The following ULK2 variants were observed in gnomAD, a reference collection of about 807,000 sequenced individuals.
ULK2 encodes the protein serine/threonine-protein kinase ULK2.
Under a neutral mutation model 127.5 loss-of-function variants are expected in ULK2, and 76 were observed. That is an observed-to-expected ratio of 0.60 (90% confidence interval 0.50 to 0.72). The LOEUF is 0.72. Ranked by LOEUF, ULK2 falls within the 30% of genes least tolerant of loss-of-function variation. The pLI, the probability that ULK2 is intolerant of heterozygous loss-of-function variation, is 0.00. For synonymous variants in ULK2, 452 were observed against 461.9 expected, an observed-to-expected ratio of 0.98 and a Z score of 0.28; for missense variants, 1,144 against 1,295.9, an observed-to-expected ratio of 0.88 and a Z score of 1.80.
At chr17:19,819,976 G>A (rs1359618825) in intron 12 of ULK2, among the ~76,000 whole-genome samples, 1 of 151,910 alleles carries the variant, frequency 6.6e-6, no homozygotes, top group East Asian at 1.9e-4. Context: ...CTGCTTTTGG[G>A]AGAATCTAGC....
At chr17:19,801,971 T>C (rs1362668797) in intron 15 of ULK2, 49 bp from the exon 16 acceptor site, 1 of 1,527,196 alleles carries the variant, frequency 6.5e-7, no homozygotes, top group African/African-American at 1.4e-5. Flanking sequence ...ACTCTCTTTT[T>C]ATTCCTGCAT....
chr17:19,803,448 T>G (rs1409776426), intron 15 of ULK2, among the ~76,000 whole-genome samples: 1 of 152,216 alleles, frequency 6.6e-6, no homozygotes, highest in African/African-American at 2.4e-5. Flanking sequence ...TATCCATCTT[T>G]GCATTTTGTA....
intron 14 of ULK2, among the ~76,000 whole-genome samples, chr17:19,806,253 T>A (rs1315137077): frequency 6.7e-6 from 1 of 150,018 alleles, no homozygotes; most frequent in Non-Finnish European, 1.5e-5. Flanking sequence ...GCCATTTTTT[T>A]ATTGTTTCAA....
At chr17:19,819,601 C>T (rs148511526) in intron 12 of ULK2, among the ~76,000 whole-genome samples, 174 of 152,296 alleles carry the variant, frequency 1.1e-3, no homozygotes, top group African/African-American at 4.1e-3. Flanking sequence ...CTCTAGATCC[C>T]TTTGTTCACT....
intron 3 of ULK2, among the ~76,000 whole-genome samples, chr17:19,854,054 C>A (rs912138357): frequency 4.0e-5 from 6 of 151,804 alleles, no homozygotes; most frequent in Admixed American, 2.0e-4. Context: ...ATCCCTGGGC[C>A]AATCACCTGA....
chr17:19,817,201 G>A (rs1365631309), intron 12 of ULK2, among the ~76,000 whole-genome samples: 6 of 152,142 alleles, frequency 3.9e-5, no homozygotes, highest in Non-Finnish European at 8.8e-5. Flanking sequence ...TGAAGTTTTT[G>A]AGAAAGTAAA....
intron 23 of ULK2, 128 bp from the exon 24 acceptor site, chr17:19,781,232 TCTTTC>T (rs1299569210): frequency 1.7e-5 from 11 of 657,392 alleles, no homozygotes; most frequent in African/African-American, 1.5e-4. Context: ...TTTCTTTTCT[TCTTTC>T]TTTTCTTTTT....
chr17:19,807,580 C>T (rs1318656323), intron 14 of ULK2, among the ~76,000 whole-genome samples: 5 of 151,926 alleles, frequency 3.3e-5, no homozygotes, highest in Admixed American at 6.6e-5. Flanking sequence ...GAGAAAAATG[C>T]ATATTCACTG....
chr17:19,794,910 C>T (rs1357686777), intron 20 of ULK2, among the ~76,000 whole-genome samples: 1 of 151,932 alleles, frequency 6.6e-6, no homozygotes, highest in Admixed American at 6.6e-5. Flanking sequence ...AACCCTGTCT[C>T]TACTAAAAAT....
intron 3 of ULK2, 133 bp downstream of exon 3, chr17:19,864,670 A>C: frequency 3.0e-6 from 1 of 332,978 alleles, no homozygotes; most frequent in Non-Finnish European, 5.6e-6. Flanking sequence ...CTTAATTCAG[A>C]AACATGTAAC....
At chr17:19,803,501 T>C (rs2087445376) in intron 15 of ULK2, among the ~76,000 whole-genome samples, 1 of 152,206 alleles carries the variant, frequency 6.6e-6, no homozygotes, top group African/African-American at 2.4e-5. Flanking sequence ...GCAAATAACG[T>C]CTAATTTTTA....
rs1403662417 is a variant in ULK2 at position 19,838,765 on chromosome 17, C to T, written c.705-182G>A. On this transcript the variant is annotated intron_variant, in intron 9 of 26. Transcript: ENST00000395544. ...GAAAAAAGCCGGGTGCTGTGGTTCA[C>T]GCCTGTAATCCCAGCACTTTGGGAG... 3.3e-5 allele frequency among the ~76,000 whole-genome samples: 5 copies of T among 152,044 alleles called. No homozygotes were observed. The East Asian group carries it at 9.6e-4, about 29-fold the overall frequency.
At chr17:19,825,316 C>T (rs1412976992) in intron 11 of ULK2, 134 bp from the exon 12 acceptor site, 4 of 666,964 alleles carry the variant, frequency 6.0e-6, no homozygotes, top group Non-Finnish European at 1.0e-5. Flanking sequence ...ATTACCACAT[C>T]TGCTGATGAA....
rs150928704 is a variant in ULK2 at position 19,822,119 on chromosome 17, G to A, written c.924+2975C>T. Among the ~76,000 whole-genome samples the A allele has an allele frequency of 7.4e-3, 1,125 of 151,758 alleles. 9 individuals are homozygous for A. The highest frequency in any genetic ancestry group is 0.025 in the African/African-American group (1,054 of 41,348). On this transcript the variant is annotated intron_variant, in intron 12 of 26. Transcript: ENST00000395544. ...TCCCACCTCAGCCTCCCAAGTAGCT[G>A]GGATTACAGGCGCACGCCACCACAC...
chr17:19,788,575 G>A (rs1264249079), intron 20 of ULK2, among the ~76,000 whole-genome samples: 1 of 152,022 alleles, frequency 6.6e-6, no homozygotes, highest in Non-Finnish European at 1.5e-5. Context: ...TACCCAGGGA[G>A]CATGCTTGGG....
chr17:19,782,889 C>G (rs2086948998), intron 22 of ULK2, among the ~76,000 whole-genome samples: 1 of 151,746 alleles, frequency 6.6e-6, no homozygotes, highest in Non-Finnish European at 1.5e-5. Context: ...GCATTCCAAC[C>G]TGGGTGACAG....
At chr17:19,850,126 G>T (rs2041979572) in intron 3 of ULK2, among the ~76,000 whole-genome samples, 1 of 152,162 alleles carries the variant, frequency 6.6e-6, no homozygotes, top group Non-Finnish European at 1.5e-5. Flanking sequence ...TTTGGTCCTT[G>T]GGGAAACACT....
At chr17:19,832,365 T>C (rs1488259642) in intron 10 of ULK2, among the ~76,000 whole-genome samples, 1 of 151,272 alleles carries the variant, frequency 6.6e-6, no homozygotes, top group Non-Finnish European at 1.5e-5. Context: ...CCTCCAGGGC[T>C]CAAGCAATCC....
At chr17:19,788,647 G>A (rs977308893) in intron 20 of ULK2, among the ~76,000 whole-genome samples, 2 of 152,072 alleles carry the variant, frequency 1.3e-5, no homozygotes, top group Non-Finnish European at 2.9e-5. Flanking sequence ...GTGGGATAGA[G>A]CACCAAGCAG....
Sources: allele counts gnomAD v4.1 joint callset (sites outside exome capture counted in the v4.1 genomes callset), GRCh38; gene constraint gnomAD v4.1.1; transcripts MANE v1.5; gene names NCBI Gene and HGNC (gene_info 2026-07-23, HGNC 2026-07-21).